COMMD10: variants seen among roughly 807,000 people sequenced by gnomAD.
COMMD10 encodes the protein COMM domain containing 10, also known as COMM domain-containing protein 10.
Under a neutral mutation model 28.9 loss-of-function variants are expected in COMMD10, and 33 were observed. The ratio of observed to expected loss-of-function variants is 1.14; its 90% CI spans 0.87 to 1.53. The LOEUF is 1.53. Among genes scored for constraint, COMMD10 ranks in the 40% most tolerant of loss-of-function variants. The pLI is 0.00. For synonymous variants in COMMD10, 110 were observed against 81.7 expected (o/e 1.35, Z -1.87); for missense variants, 310 against 233.4 (o/e 1.33, Z -2.14).
intron 5 of COMMD10, among the ~76,000 whole-genome samples, chr5:116,194,191 C>A (rs563338659): frequency 6.6e-5 from 10 of 151,972 alleles, no homozygotes; most frequent in Non-Finnish European, 1.3e-4. Context: ...AAGTTCATAG[C>A]CCTAAATGCC....
chr5:116,123,559 G>A (rs1306778467), intron 4 of COMMD10, among the ~76,000 whole-genome samples: 1 of 152,134 alleles, frequency 6.6e-6, no homozygotes, highest in African/African-American at 2.4e-5. Flanking sequence ...GTCAGGCTTT[G>A]GTATCAAGAT....
intron 5 of COMMD10, among the ~76,000 whole-genome samples, chr5:116,232,458 G>A (rs921850103): frequency 6.6e-6 from 1 of 152,044 alleles, no homozygotes; most frequent in Non-Finnish European, 1.5e-5. Context: ...TACTCTTCAC[G>A]TGAAAAGGAC....
chr5:116,149,563 T>G (rs1198083094), intron 5 of COMMD10, among the ~76,000 whole-genome samples: 4 of 143,808 alleles, frequency 2.8e-5, no homozygotes, highest in African/African-American at 1.0e-4. Context: ...CGGTGTGAGA[T>G]GGTATCTCAT....
At chr5:116,265,819 AAC>A (rs1274214369) in intron 5 of COMMD10, among the ~76,000 whole-genome samples, 1 of 151,786 alleles carries the variant, frequency 6.6e-6, no homozygotes, top group Non-Finnish European at 1.5e-5. Context: ...ACTGGCTTAA[AAC>A]ACATGCAGTT....
At chr5:116,283,644 A>T (rs544701149) in intron 5 of COMMD10, among the ~76,000 whole-genome samples, 40 of 151,694 alleles carry the variant, frequency 2.6e-4, no homozygotes, top group African/African-American at 9.5e-4. Context: ...TCAAAATAAG[A>T]CCTGTTATTT....
chr5:116,254,999 A>T (rs540540442), intron 5 of COMMD10, among the ~76,000 whole-genome samples: 14 of 151,680 alleles, frequency 9.2e-5, no homozygotes, highest in African/African-American at 3.4e-4. Context: ...GGGTGCATAT[A>T]TATTTAGGAT....
chr5:116,203,987 A>C (rs558409103), intron 5 of COMMD10, among the ~76,000 whole-genome samples: 2 of 152,190 alleles, frequency 1.3e-5, no homozygotes, highest in African/African-American at 4.8e-5. Context: ...TGCTGTATTC[A>C]GGAAACCCAT....
chr5:116,112,562 A>G (rs2112738944), intron 4 of COMMD10, among the ~76,000 whole-genome samples: 1 of 152,192 alleles, frequency 6.6e-6, no homozygotes, highest in African/African-American at 2.4e-5. Context: ...CACCATGCAC[A>G]GCTAATTTTT....
intron 5 of COMMD10, among the ~76,000 whole-genome samples, chr5:116,179,888 ATGAT>A (rs1561651772): frequency 6.6e-6 from 1 of 152,074 alleles, no homozygotes; most frequent in Non-Finnish European, 1.5e-5. Context: ...TTGGGGGAAA[ATGAT>A]TGGACGAGAT....
At chr5:116,130,671 T>C (rs1448261571) in intron 4 of COMMD10, among the ~76,000 whole-genome samples, 1 of 151,964 alleles carries the variant, frequency 6.6e-6, no homozygotes, top group Admixed American at 6.6e-5. Flanking sequence ...ACCCAAAATA[T>C]TTAAGTGGCG....
At chr5:116,247,516 A>G (rs1218515488) in intron 5 of COMMD10, among the ~76,000 whole-genome samples, 2 of 152,146 alleles carry the variant, frequency 1.3e-5, no homozygotes, top group Non-Finnish European at 2.9e-5. Flanking sequence ...ATAAAGACAC[A>G]TACGTATGTT....
intron 4 of COMMD10, among the ~76,000 whole-genome samples, chr5:116,106,481 C>A (rs1750843479): frequency 6.6e-6 from 1 of 152,130 alleles, no homozygotes; most frequent in Admixed American, 6.5e-5. Context: ...GTGGAGAGTT[C>A]TGTAGATGTC....
chr5:116,196,241 CAAG>C (rs1421028463), intron 5 of COMMD10, among the ~76,000 whole-genome samples: 2 of 152,092 alleles, frequency 1.3e-5, no homozygotes, highest in African/African-American at 2.4e-5. Context: ...TGAAGTAACT[CAAG>C]AATGGAAAAC....
intron 5 of COMMD10, among the ~76,000 whole-genome samples, chr5:116,156,307 A>G (rs370673052): frequency 6.6e-6 from 1 of 152,160 alleles, no homozygotes; most frequent in Non-Finnish European, 1.5e-5. Flanking sequence ...TGTCAAGCAG[A>G]TTACTTAACT....
chr5:116,105,683 T>C (rs1750813551), intron 4 of COMMD10, among the ~76,000 whole-genome samples: 1 of 152,210 alleles, frequency 6.6e-6, no homozygotes, highest in South Asian at 2.1e-4. Flanking sequence ...TGGTTTAGTG[T>C]TGGGCAGGTG....
intron 5 of COMMD10, among the ~76,000 whole-genome samples, chr5:116,148,478 C>T (rs1428531507): frequency 6.6e-6 from 1 of 151,824 alleles, no homozygotes; most frequent in South Asian, 2.1e-4. Context: ...GCTGCTACCT[C>T]CTTGGTGAGA....
At chr5:116,249,191 A>G (rs1484514986) in intron 5 of COMMD10, among the ~76,000 whole-genome samples, 1 of 151,986 alleles carries the variant, frequency 6.6e-6, no homozygotes, top group Non-Finnish European at 1.5e-5. Flanking sequence ...TCAGATAACA[A>G]ATAATTGCAA....
rs115479953 is a variant in COMMD10 at position 116,210,630 on chromosome 5, T to C, written c.510+76452T>C. ...AATAGTCTGTGGTGATCTGTGTGTT[T>C]ATATTCCACATACAGTCTATCAACA... On this transcript the variant is annotated intron_variant, in intron 5 of 6. Coordinates refer to ENST00000274458, the MANE Select transcript of COMMD10 (RefSeq NM_016144.4). Among the ~76,000 whole-genome samples, 449 of 152,246 alleles carry C rather than the reference T, an allele frequency of 2.9e-3. 3 individuals carry two copies. The highest frequency in any genetic ancestry group is 0.01 in the African/African-American group (431 of 41,552).
At chr5:116,273,759 G>A (rs1028426784) in intron 5 of COMMD10, among the ~76,000 whole-genome samples, 1 of 151,382 alleles carries the variant, frequency 6.6e-6, no homozygotes, top group Non-Finnish European at 1.5e-5. Context: ...TAGATGAACT[G>A]GAGTTTTGAA....
Sources: gnomAD v4.1 joint callset for allele counts (sites outside exome capture counted in the v4.1 genomes callset) on GRCh38, gnomAD v4.1.1 for gene constraint, MANE v1.5 for transcripts, NCBI Gene and HGNC (gene_info 2026-07-23, HGNC 2026-07-21) for gene names.